GON4L: variants seen among roughly 807,000 people sequenced by gnomAD.
GON4L encodes GON-4-like protein.
In GON4L, 87 loss-of-function variants were observed where a neutral mutation model predicts 211.8. That is an observed-to-expected ratio of 0.41 (90% CI 0.35 to 0.49). The LOEUF (loss-of-function observed/expected upper bound fraction) is 0.49, where lower values mean the gene tolerates loss of function less well. Among genes scored for constraint, GON4L ranks in the 20% least tolerant of loss-of-function variants. GON4L has a pLI of 0.15. For missense variants in GON4L, 2,155 were observed against 2,659.5 expected, an observed-to-expected ratio of 0.81 and a Z score of 4.17; for synonymous variants, 875 against 962.6, an observed-to-expected ratio of 0.91 and a Z score of 1.68.
intron 2 of GON4L, among the ~76,000 whole-genome samples, chr1:155,837,836 A>G (rs1670446698): frequency 6.6e-6 from 1 of 152,206 alleles, no homozygotes; most frequent in Non-Finnish European, 1.5e-5. Flanking sequence ...TGGATTACCT[A>G]TTAGAAAAAA....
chr1:155,852,162 CAAAA>C (rs150456648), intron 2 of GON4L, among the ~76,000 whole-genome samples: 13 of 77,854 alleles, frequency 1.7e-4, no homozygotes, highest in Non-Finnish European at 1.6e-4. Flanking sequence ...GAGACTGTCA[CAAAA>C]AAAAAAAAAA....
chr1:155,748,890 C>A, downstream of GON4L: 1 of 1,116,604 alleles, frequency 9.0e-7, no homozygotes, highest in Non-Finnish European at 1.3e-6. Flanking sequence ...CCTCCCCACC[C>A]CTTAAAAAGG....
At chr1:155,820,907 CA>C (rs1318101416) in intron 5 of GON4L, among the ~76,000 whole-genome samples, 6 of 152,188 alleles carry the variant, frequency 3.9e-5, no homozygotes, top group African/African-American at 1.4e-4. Context: ...TCGCTGAGTC[CA>C]GCTTAGGAGT....
chr1:155,824,413 G>T (rs533150925), intron 3 of GON4L, among the ~76,000 whole-genome samples: 1 of 119,498 alleles, frequency 8.4e-6, no homozygotes, highest in African/African-American at 3.3e-5. Flanking sequence ...CAGCCTGGGT[G>T]ACGAGAGCAA....
chr1:155,811,800 G>A (rs183137331), intron 10 of GON4L, among the ~76,000 whole-genome samples: 73 of 145,412 alleles, frequency 5.0e-4, no homozygotes, highest in African/African-American at 1.8e-3. Context: ...CGCGGTGGCT[G>A]ACGCATGTCA....
chr1:155,761,283 TG>T (rs1661773182), intron 23 of GON4L, among the ~76,000 whole-genome samples: 2 of 149,266 alleles, frequency 1.3e-5, no homozygotes, highest in Non-Finnish European at 3.0e-5. Flanking sequence ...TGGGCCCAAG[TG>T]ATCCTCCCAC....
intron 3 of GON4L, 86 bp downstream of exon 3, chr1:155,826,751 A>G: frequency 1.1e-6 from 1 of 874,306 alleles, no homozygotes; most frequent in South Asian, 1.4e-5. Flanking sequence ...TAGTGAATTC[A>G]GGATATCTTA....
chr1:155,770,458 A>G (rs1027842395), intron 19 of GON4L, among the ~76,000 whole-genome samples: 1 of 152,238 alleles, frequency 6.6e-6, no homozygotes, highest in Non-Finnish European at 1.5e-5. Context: ...TGAACCCAGG[A>G]GTTTGAGGCT....
At chr1:155,779,633 C>A (rs1291941379) in intron 14 of GON4L, among the ~76,000 whole-genome samples, 1 of 152,084 alleles carries the variant, frequency 6.6e-6, no homozygotes, top group Non-Finnish European at 1.5e-5. Context: ...ACCCTGACTG[C>A]ATAGGGTATC....
intron 24 of GON4L, among the ~76,000 whole-genome samples, chr1:155,759,504 G>A (rs933679168): frequency 3.9e-5 from 6 of 152,018 alleles, no homozygotes; most frequent in African/African-American, 1.4e-4. Context: ...AACCCAGGAG[G>A]CGGAGGTTGC....
At chr1:155,763,254 C>T (rs376244952) in intron 22 of GON4L, 58 bp downstream of exon 22, 21 of 1,550,772 alleles carry the variant, frequency 1.4e-5, no homozygotes, top group African/African-American at 1.1e-4. Context: ...TGCACACTGT[C>T]CTCTAGACAA....
intron 2 of GON4L, 35 bp downstream of exon 2, chr1:155,853,241 A>C (rs780758326): frequency 6.4e-7 from 1 of 1,565,538 alleles, no homozygotes; most frequent in East Asian, 2.2e-5. Flanking sequence ...AGTGGTATTG[A>C]CAAGAATGTA....
At chr1:155,815,503 G>A (rs891824229) in intron 8 of GON4L, among the ~76,000 whole-genome samples, 1 of 152,042 alleles carries the variant, frequency 6.6e-6, no homozygotes, top group African/African-American at 2.4e-5. Flanking sequence ...TGTGACTGGG[G>A]AGGGTATACA....
At chr1:155,763,282 G>C in intron 22 of GON4L, 30 bp downstream of exon 22, 2 of 1,606,682 alleles carry the variant, frequency 1.2e-6, no homozygotes, top group South Asian at 1.1e-5. Flanking sequence ...AAGTGAGAAT[G>C]GTCCTTCAGT....
At chr1:155,842,948 A>G (rs1438205491) in intron 2 of GON4L, among the ~76,000 whole-genome samples, 1 of 152,172 alleles carries the variant, frequency 6.6e-6, no homozygotes, top group African/African-American at 2.4e-5. Context: ...ACTGCTGTTA[A>G]ACTTCGGGGA....
At chr1:155,816,166 T>C (rs1005279036) in intron 7 of GON4L, 46 bp downstream of exon 7, 1 of 930,680 alleles carries the variant, frequency 1.1e-6, no homozygotes, top group East Asian at 2.4e-5. Flanking sequence ...TCAAAACCGA[T>C]GAAGTCTTTC....
chr1:155,769,774 C>T (rs1427072944), intron 19 of GON4L, among the ~76,000 whole-genome samples: 1 of 151,922 alleles, frequency 6.6e-6, no homozygotes, highest in Non-Finnish European at 1.5e-5. Flanking sequence ...ACCCTGAATA[C>T]AACCTAACCA....
intron 20 of GON4L, 106 bp from the exon 21 acceptor site, chr1:155,766,815 G>C (rs1662546018): frequency 1.3e-6 from 2 of 1,554,030 alleles, no homozygotes; most frequent in Non-Finnish European, 1.8e-6. Context: ...GGAGGCTGAA[G>C]TGGGCAGATC....
At chr1:155,858,047 G>A (rs941279096), upstream of GON4L, among the ~76,000 whole-genome samples, 4 of 152,050 alleles carry the variant, frequency 2.6e-5, no homozygotes, top group Admixed American at 6.6e-5. Flanking sequence ...ATTTCACAAC[G>A]GTACACAGAC....
Sources: gnomAD v4.1 joint callset for allele counts (sites outside exome capture counted in the v4.1 genomes callset) on GRCh38, gnomAD v4.1.1 for gene constraint, MANE v1.5 for transcripts, NCBI Gene and HGNC (gene_info 2026-07-23, HGNC 2026-07-21) for gene names.